The following CNTN5 variants were observed in gnomAD, a reference collection of about 807,000 sequenced individuals.
The protein encoded by CNTN5 is contactin 5.
A neutral mutation model predicts 129.1 loss-of-function variants in CNTN5; 77 were observed. The ratio of observed to expected loss-of-function variants is 0.60; its 90% CI spans 0.50 to 0.72. CNTN5 has a LOEUF of 0.72. CNTN5 is among the 30% of genes least tolerant of loss of function. CNTN5 has a pLI of 0.00. For synonymous variants in CNTN5, 509 were observed against 465.6 expected (o/e 1.09, Z -1.20); for missense variants, 1,478 against 1,328.8 (o/e 1.11, Z -1.75).
chr11:99,053,621 CT>C, intron 1 of CNTN5, among the ~76,000 whole-genome samples: 1 of 151,916 alleles, frequency 6.6e-6, no homozygotes, highest in South Asian at 2.1e-4. Context: ...GGATATTTCC[CT>C]TTTCTGAAGG....
chr11:100,207,143 G>A (rs1948932658), intron 15 of CNTN5, among the ~76,000 whole-genome samples: 1 of 152,092 alleles, frequency 6.6e-6, no homozygotes, highest in Admixed American at 6.6e-5. Flanking sequence ...CAGATAGATG[G>A]ACCTTTAAAC....
intron 13 of CNTN5, among the ~76,000 whole-genome samples, chr11:100,171,111 T>C (rs941714212): frequency 1.3e-5 from 2 of 151,984 alleles, no homozygotes; most frequent in African/African-American, 4.8e-5. Flanking sequence ...TTCAAAAAAA[T>C]AACTTGAGCT....
chr11:99,105,128 C>A (rs1866934606), intron 1 of CNTN5, among the ~76,000 whole-genome samples: 1 of 152,120 alleles, frequency 6.6e-6, no homozygotes, highest in African/African-American at 2.4e-5. Flanking sequence ...TGACTCTGCA[C>A]CTACTTGCTA....
At chr11:99,636,959 G>GC (rs1297796727) in intron 3 of CNTN5, among the ~76,000 whole-genome samples, 112 of 59,226 alleles carry the variant, frequency 1.9e-3, no homozygotes, top group Admixed American at 4.0e-3. Flanking sequence ...GTTGCAGTGA[G>GC]CGAAGATCAT....
chr11:100,074,579 T>C (rs144865129), intron 13 of CNTN5, among the ~76,000 whole-genome samples: 67 of 152,276 alleles, frequency 4.4e-4, no homozygotes, highest in African/African-American at 1.5e-3. Context: ...TTGTTTTTCA[T>C]CTTGCTTCTG....
intron 9 of CNTN5, among the ~76,000 whole-genome samples, chr11:100,036,276 G>C (rs554293580): frequency 1.3e-5 from 2 of 151,700 alleles, no homozygotes; most frequent in African/African-American, 4.8e-5. Context: ...TCAGATAGCT[G>C]TAGATATGCG....
chr11:100,121,845 A>C (rs1348578982), intron 13 of CNTN5, among the ~76,000 whole-genome samples: 4 of 152,064 alleles, frequency 2.6e-5, no homozygotes, highest in African/African-American at 9.7e-5. Context: ...TATGAAGAAA[A>C]ATAGAGCAGA....
chr11:99,915,360 G>T (rs138814829), intron 6 of CNTN5, among the ~76,000 whole-genome samples: 1 of 152,168 alleles, frequency 6.6e-6, no homozygotes, highest in East Asian at 1.9e-4. Context: ...TTGTGTAAAT[G>T]CAACATAGTT....
At chr11:99,642,121 C>A (rs965561173) in intron 3 of CNTN5, among the ~76,000 whole-genome samples, 3 of 152,094 alleles carry the variant, frequency 2.0e-5, no homozygotes, top group Non-Finnish European at 4.4e-5. Flanking sequence ...TGAAAGAGTG[C>A]CAGTCTTGAG....
intron 2 of CNTN5, among the ~76,000 whole-genome samples, chr11:99,428,982 T>C (rs1260169387): frequency 2.0e-5 from 3 of 152,134 alleles, no homozygotes; most frequent in African/African-American, 7.2e-5. Context: ...TAATTCTGTT[T>C]TGAGCTGCAT....
At chr11:100,022,786 A>T (rs534582705) in intron 9 of CNTN5, among the ~76,000 whole-genome samples, 1 of 152,238 alleles carries the variant, frequency 6.6e-6, no homozygotes, top group African/African-American at 2.4e-5. Flanking sequence ...ACATATTATC[A>T]CTGATTAAAG....
intron 24 of CNTN5, among the ~76,000 whole-genome samples, chr11:100,355,644 C>T (rs570263065): frequency 6.6e-6 from 1 of 151,708 alleles, no homozygotes; most frequent in Admixed American, 6.6e-5. Context: ...TACAACATTA[C>T]TAGGCAATAG....
chr11:100,265,637 A>T (rs946489588), intron 17 of CNTN5, among the ~76,000 whole-genome samples: 1 of 152,178 alleles, frequency 6.6e-6, no homozygotes, highest in Non-Finnish European at 1.5e-5. Context: ...AAATATACCA[A>T]AATGAGCATA....
intron 13 of CNTN5, among the ~76,000 whole-genome samples, chr11:100,086,732 A>G (rs1179115505): frequency 6.6e-6 from 1 of 151,628 alleles, no homozygotes; most frequent in Non-Finnish European, 1.5e-5. Flanking sequence ...ATGGGAAAAA[A>G]TGAATCATAT....
At chr11:99,890,877 C>T (rs1949041317) in intron 6 of CNTN5, among the ~76,000 whole-genome samples, 1 of 152,108 alleles carries the variant, frequency 6.6e-6, no homozygotes, top group African/African-American at 2.4e-5. Flanking sequence ...TTTGAAATGG[C>T]ACTTTACCTC....
chr11:99,783,905 G>T (rs1945410896), intron 3 of CNTN5, among the ~76,000 whole-genome samples: 1 of 151,674 alleles, frequency 6.6e-6, no homozygotes, highest in Non-Finnish European at 1.5e-5. Context: ...CACCAGCATG[G>T]CACATGTATA....
At chr11:100,322,556 T>C (rs1031931977) in intron 21 of CNTN5, among the ~76,000 whole-genome samples, 25 of 152,132 alleles carry the variant, frequency 1.6e-4, no homozygotes, top group African/African-American at 6.0e-4. Flanking sequence ...ATCGTAAGAG[T>C]ACCCCACAAG....
chr11:100,170,044 A>T (rs530112166), intron 13 of CNTN5, among the ~76,000 whole-genome samples: 12 of 152,116 alleles, frequency 7.9e-5, no homozygotes, highest in African/African-American at 2.9e-4. Context: ...TTCTAGATAA[A>T]AGAACACACC....
chr11:99,191,856 A>G (rs936421966), intron 1 of CNTN5, among the ~76,000 whole-genome samples: 3 of 151,816 alleles, frequency 2.0e-5, no homozygotes, highest in Non-Finnish European at 4.4e-5. Context: ...GTCCACATTA[A>G]AAAAGAAGAT....
Sources: allele counts gnomAD v4.1 joint callset (sites outside exome capture counted in the v4.1 genomes callset), GRCh38; gene constraint gnomAD v4.1.1; transcripts MANE v1.5; gene names NCBI Gene and HGNC (gene_info 2026-07-23, HGNC 2026-07-21).